The following KIAA1217 variants were observed in gnomAD, a reference collection of about 807,000 sequenced individuals.
KIAA1217 encodes sickle tail protein homolog.
A neutral mutation model predicts 163.9 loss-of-function variants in KIAA1217; 88 were observed. The ratio of observed to expected loss-of-function variants is 0.54; its 90% CI spans 0.45 to 0.64. The LOEUF (loss-of-function observed/expected upper bound fraction) is 0.64. KIAA1217 is among the 30% of genes least tolerant of loss of function. KIAA1217 has a pLI of 0.00. For missense variants in KIAA1217, 2,372 were observed against 2,475.0 expected, an observed-to-expected ratio of 0.96 and a Z score of 0.88; for synonymous variants, 903 against 923.1, an observed-to-expected ratio of 0.98 and a Z score of 0.39.
intron 2 of KIAA1217, among the ~76,000 whole-genome samples, chr10:24,358,853 A>G (rs2049487800): frequency 1.3e-5 from 2 of 152,180 alleles, no homozygotes; most frequent in African/African-American, 2.4e-5. Context: ...CATTGTATGC[A>G]TATATATACA....
chr10:24,439,159 T>C (rs1439496223), intron 5 of KIAA1217, among the ~76,000 whole-genome samples: 1 of 152,136 alleles, frequency 6.6e-6, no homozygotes, highest in Non-Finnish European at 1.5e-5. Context: ...GATTTTAAGA[T>C]CATATTAATG....
chr10:24,343,165 T>C (rs989905531), intron 2 of KIAA1217, among the ~76,000 whole-genome samples: 24 of 152,248 alleles, frequency 1.6e-4, no homozygotes, highest in African/African-American at 5.5e-4. Context: ...TTCCACAGGA[T>C]AACTTTCTAA....
intron 1 of KIAA1217, among the ~76,000 whole-genome samples, chr10:23,707,506 A>C (rs1175845376): frequency 6.6e-6 from 1 of 152,226 alleles, no homozygotes; most frequent in Non-Finnish European, 1.5e-5. Context: ...AGAAAGTCAA[A>C]TACTACACTT....
chr10:24,121,713 T>A (rs781293831), intron 2 of KIAA1217, among the ~76,000 whole-genome samples: 1 of 152,334 alleles, frequency 6.6e-6, no homozygotes, highest in South Asian at 2.1e-4. Flanking sequence ...ACAAAAGGCA[T>A]GTTAAATAAT....
chr10:23,746,585 A>G (rs974291142), intron 1 of KIAA1217, among the ~76,000 whole-genome samples: 2 of 151,712 alleles, frequency 1.3e-5, no homozygotes, highest in African/African-American at 4.8e-5. Context: ...CACCACGCCC[A>G]GCTAATTTTT....
chr10:24,078,998 T>G (rs902403467), intron 2 of KIAA1217, among the ~76,000 whole-genome samples: 2 of 152,204 alleles, frequency 1.3e-5, no homozygotes, highest in African/African-American at 2.4e-5. Context: ...CATGGGTGTG[T>G]TGGATCTGGT....
Position 24,501,428 on chromosome 10 carries a change from G to A in KIAA1217, c.1884G>A (p.Thr628=), listed in dbSNP as rs749050584. 44 of 1,613,854 alleles carry A rather than the reference G, an allele frequency of 2.7e-5. No homozygotes were observed. The highest frequency in any genetic ancestry group is 3.3e-4 in the Middle Eastern group (2 of 6,084). The change falls in exon 9 of 21, where the codon ACG becomes ACA. Residue 628 remains threonine (T), a synonymous_variant. Transcript: ENST00000376454. ...AGATGCTCAGTGCTCTGGAGTCCAC[G>A]GTGCCTCCCAGCCAGCCTCCACCTG... ...GGKMLSALES[T]VPPSQPPPVG... is the part of the protein sequence containing the mutation.
At chr10:24,346,340 C>T (rs1265017184) in intron 2 of KIAA1217, among the ~76,000 whole-genome samples, 4 of 151,766 alleles carry the variant, frequency 2.6e-5, no homozygotes, top group South Asian at 2.1e-4. Context: ...GGCATGGTGG[C>T]GGGCACCTGC....
chr10:24,207,973 G>A (rs2067656096), upstream of KIAA1217, among the ~76,000 whole-genome samples: 1 of 152,140 alleles, frequency 6.6e-6, no homozygotes, highest in African/African-American at 2.4e-5. Context: ...GCAAAGTATG[G>A]TCACCAGACT....
In KIAA1217 at chr10:24,546,349, T is replaced by G. The variant is rs753286768; in HGVS notation, c.*25T>G. On this transcript the variant is annotated 3_prime_UTR_variant, in exon 21 of 21. Coordinates refer to ENST00000376454, the MANE Select transcript of KIAA1217 (RefSeq NM_019590.5). Reference sequence around the variant, plus strand: ...AAGGTCAAATCCTATTAGGCACAAGTCGGAGTTACATTTAAAAAAAATTAA... The same window carrying G: ...AAGGTCAAATCCTATTAGGCACAAGGCGGAGTTACATTTAAAAAAAATTAA... 34 of 1,549,286 alleles carry G rather than the reference T, an allele frequency of 2.2e-5. No homozygotes were observed. The highest frequency in any genetic ancestry group is 3.0e-5 in the Non-Finnish European group (34 of 1,150,226).
intron 4 of KIAA1217, among the ~76,000 whole-genome samples, chr10:24,433,597 G>T (rs1426986495): frequency 6.6e-6 from 1 of 152,132 alleles, no homozygotes; most frequent in Non-Finnish European, 1.5e-5. Flanking sequence ...TTATCTAAGG[G>T]TTAGGGAAAC....
chr10:24,137,705 C>T (rs892466022), intron 2 of KIAA1217, among the ~76,000 whole-genome samples: 7 of 152,084 alleles, frequency 4.6e-5, no homozygotes, highest in Non-Finnish European at 7.4e-5. Context: ...AAAGACACTG[C>T]GTTTTATTTG....
intron 10 of KIAA1217, among the ~76,000 whole-genome samples, chr10:24,514,046 G>A (rs1015433491): frequency 6.6e-6 from 1 of 152,124 alleles, no homozygotes; most frequent in African/African-American, 2.4e-5. Context: ...TTCCTTAGCT[G>A]TTATGAATGT....
In KIAA1217 at chr10:23,881,843, A is replaced by G. The variant is rs534400364; in HGVS notation, c.-320-125382A>G. 4.0e-5 allele frequency among the ~76,000 whole-genome samples: 6 copies of G among 151,806 alleles called. No homozygotes were observed. In the Middle Eastern group the frequency reaches 0.01, roughly 258 times the overall value. On this transcript the variant is annotated intron_variant, in intron 1 of 18. Transcript: ENST00000376462. The stretch of plus-strand genomic sequence containing the variant: ...TCCATGTGCAGCTGCCCCATCCCCC[A>G]TACACCCTTAAGACCAGGTCACTTC...
chr10:24,011,479 CT>C (rs1847234060), intron 2 of KIAA1217, among the ~76,000 whole-genome samples: 2 of 151,870 alleles, frequency 1.3e-5, no homozygotes, highest in African/African-American at 4.8e-5. Context: ...AGAGTGAGAT[CT>C]TGTCTTAAAA....
intron 2 of KIAA1217, among the ~76,000 whole-genome samples, chr10:24,293,685 C>T (rs945633702): frequency 2.6e-5 from 4 of 152,206 alleles, no homozygotes; most frequent in African/African-American, 9.6e-5. Context: ...TCTGAAGCCC[C>T]TTGTTGCCTG....
At chr10:24,010,970 A>G (rs1022884759) in intron 2 of KIAA1217, among the ~76,000 whole-genome samples, 6 of 152,180 alleles carry the variant, frequency 3.9e-5, no homozygotes, top group East Asian at 3.9e-4. Flanking sequence ...TCCAACAGCT[A>G]TAAGTCCAAT....
chr10:23,751,257 A>G (rs1839723541), intron 1 of KIAA1217, among the ~76,000 whole-genome samples: 1 of 152,000 alleles, frequency 6.6e-6, no homozygotes, highest in South Asian at 2.1e-4. Flanking sequence ...CAAACTCCTG[A>G]GCTCAAGCTC....
At chr10:23,788,731 C>T (rs889769600) in intron 1 of KIAA1217, among the ~76,000 whole-genome samples, 1 of 152,206 alleles carries the variant, frequency 6.6e-6, no homozygotes, top group African/African-American at 2.4e-5. Flanking sequence ...TCACCATGAG[C>T]AGCACTTGTC....
Sources: gnomAD v4.1 joint callset for allele counts (sites outside exome capture counted in the v4.1 genomes callset) on GRCh38, gnomAD v4.1.1 for gene constraint, MANE v1.5 for transcripts, NCBI Gene and HGNC (gene_info 2026-07-23, HGNC 2026-07-21) for gene names.